The following GPC6 variants were observed in gnomAD, a reference collection of about 807,000 sequenced individuals.
The protein encoded by GPC6 is glypican-6.
A neutral mutation model predicts 55.2 loss-of-function variants in GPC6; 14 were observed. The observed-to-expected ratio is 0.25, with a 90% CI of 0.17 to 0.40. The LOEUF is 0.40. GPC6 is among the 10% of genes least tolerant of loss of function. GPC6 has a pLI of 1.00. For missense variants in GPC6, 641 were observed against 708.5 expected, an observed-to-expected ratio of 0.90 and a Z score of 1.08; for synonymous variants, 278 against 259.6, an observed-to-expected ratio of 1.07 and a Z score of -0.68.
intron 3 of GPC6, among the ~76,000 whole-genome samples, chr13:93,906,474 T>A (rs1876675814): frequency 6.6e-6 from 1 of 152,162 alleles, no homozygotes; most frequent in Admixed American, 6.6e-5. Flanking sequence ...TGTTACCCAA[T>A]GGTCCAAAAT....
intron 5 of GPC6, among the ~76,000 whole-genome samples, chr13:94,304,625 AAT>A (rs1875846075): frequency 6.6e-6 from 1 of 152,234 alleles, no homozygotes; most frequent in African/African-American, 2.4e-5. Flanking sequence ...GTTTCCTGAA[AAT>A]GTTACTGCAT....
intron 4 of GPC6, among the ~76,000 whole-genome samples, chr13:94,050,250 G>C (rs184993010): frequency 6.6e-6 from 1 of 152,204 alleles, no homozygotes; most frequent in East Asian, 1.9e-4. Flanking sequence ...GTAAATATTT[G>C]TTGAATAAAT....
At chr13:94,376,604 C>T (rs1056538982) in intron 6 of GPC6, among the ~76,000 whole-genome samples, 2 of 151,322 alleles carry the variant, frequency 1.3e-5, no homozygotes, top group Admixed American at 1.3e-4. Flanking sequence ...GAATCAATAT[C>T]GTGAAAATGG....
At chr13:93,635,461 A>C (rs1370443022) in intron 2 of GPC6, among the ~76,000 whole-genome samples, 1 of 152,214 alleles carries the variant, frequency 6.6e-6, no homozygotes, top group East Asian at 1.9e-4. Flanking sequence ...TCAGAAGTCT[A>C]TTGCAAATAG....
At position 93,773,456 on chromosome 13, in the gene GPC6, AT is replaced by A. The variant is rs35286272; in HGVS notation, c.320-56688del. Among the ~76,000 whole-genome samples the A allele has an allele frequency of 5.4e-4, 81 of 149,320 alleles. 1 individual carries two copies. Among genetic ancestry groups the A allele is most frequent in the African/African-American group, 1.3e-3 (53 of 40,836 alleles). Reference sequence around the variant, plus strand: ...TCTATTCAGCTTCAGTATGCAGCTGATTTTTTTTTTGATGTAGCTTACGTAC... The same window carrying A: ...TCTATTCAGCTTCAGTATGCAGCTGATTTTTTTTTGATGTAGCTTACGTAC... On this transcript the variant is annotated intron_variant, in intron 2 of 8. Coordinates refer to ENST00000377047, the MANE Select transcript of GPC6 (RefSeq NM_005708.5).
At chr13:93,831,430 G>GTA (rs1378297687) in intron 3 of GPC6, among the ~76,000 whole-genome samples, 3 of 152,098 alleles carry the variant, frequency 2.0e-5, no homozygotes, top group Non-Finnish European at 4.4e-5. Context: ...CAGGAATCTG[G>GTA]TATTATGTCA....
At chr13:93,219,451 T>C in the GPC6 span, among the ~76,000 whole-genome samples, 1 of 152,204 alleles carries the variant, frequency 6.6e-6, no homozygotes, top group African/African-American at 2.4e-5. Context: ...AACTGGGATG[T>C]ATGTGACTAT....
chr13:93,994,430 T>G (rs1282001683), intron 3 of GPC6, among the ~76,000 whole-genome samples: 1 of 152,238 alleles, frequency 6.6e-6, no homozygotes, highest in Non-Finnish European at 1.5e-5. Flanking sequence ...ATTGGTTATT[T>G]GTTCCTATAG....
chr13:93,848,701 T>A (rs1295990097), intron 3 of GPC6, among the ~76,000 whole-genome samples: 1 of 152,130 alleles, frequency 6.6e-6, no homozygotes, highest in African/African-American at 2.4e-5. Flanking sequence ...CAGCCTTGCC[T>A]TTAAGTCTTC....
At chr13:93,930,528 C>T (rs1396259349) in intron 3 of GPC6, among the ~76,000 whole-genome samples, 1 of 152,058 alleles carries the variant, frequency 6.6e-6, no homozygotes, top group African/African-American at 2.4e-5. Context: ...ACCACGGCCT[C>T]CCAATATTCT....
chr13:93,572,005 A>G (rs1388687479), intron 2 of GPC6, among the ~76,000 whole-genome samples: 1 of 152,200 alleles, frequency 6.6e-6, no homozygotes, highest in African/African-American at 2.4e-5. Flanking sequence ...TTGTCATTTT[A>G]GAATTGAGAT....
At chr13:93,946,178 A>T (rs1878999745) in intron 3 of GPC6, among the ~76,000 whole-genome samples, 1 of 152,234 alleles carries the variant, frequency 6.6e-6, no homozygotes, top group Non-Finnish European at 1.5e-5. Context: ...CAATGTGCAA[A>T]AGAATAATAG....
intron 4 of GPC6, among the ~76,000 whole-genome samples, chr13:94,112,966 A>T (rs935251457): frequency 6.6e-6 from 1 of 152,084 alleles, no homozygotes; most frequent in African/African-American, 2.4e-5. Context: ...CCTGTTAATT[A>T]GTTACCCACA....
At chr13:94,055,432 A>G (rs1024093626) in intron 4 of GPC6, among the ~76,000 whole-genome samples, 1 of 152,190 alleles carries the variant, frequency 6.6e-6, no homozygotes, top group Admixed American at 6.5e-5. Flanking sequence ...TACAGAAAGG[A>G]CAACAAATTT....
At chr13:93,223,019 CTT>C (rs3073915), upstream of GPC6, among the ~76,000 whole-genome samples, 280 of 100,772 alleles carry the variant, frequency 2.8e-3, no homozygotes, top group Middle Eastern at 6.5e-3. Flanking sequence ...AGGGAAAACA[CTT>C]TTTTTTTTTT....
intron 6 of GPC6, among the ~76,000 whole-genome samples, chr13:94,344,961 T>C (rs1319766214): frequency 6.6e-6 from 1 of 152,188 alleles, no homozygotes; most frequent in Non-Finnish European, 1.5e-5. Flanking sequence ...TCTCAGAACA[T>C]TCCAAGAAAT....
At chr13:94,297,428 G>A (rs1039840156) in intron 5 of GPC6, among the ~76,000 whole-genome samples, 1 of 152,080 alleles carries the variant, frequency 6.6e-6, no homozygotes, top group Non-Finnish European at 1.5e-5. Context: ...ATGTAGTCAG[G>A]CCAAGAGGAT....
At chr13:93,946,807 T>A (rs1486951293) in intron 3 of GPC6, among the ~76,000 whole-genome samples, 2 of 152,174 alleles carry the variant, frequency 1.3e-5, no homozygotes, top group Non-Finnish European at 2.9e-5. Flanking sequence ...TCCTGTGTAT[T>A]TTCCTTACTT....
intron 4 of GPC6, among the ~76,000 whole-genome samples, chr13:94,115,225 C>A (rs755894884): frequency 1.3e-5 from 2 of 151,968 alleles, no homozygotes; most frequent in African/African-American, 2.4e-5. Context: ...CATTTTAATA[C>A]AGTCATGTGG....
Sources: allele counts gnomAD v4.1 joint callset (sites outside exome capture counted in the v4.1 genomes callset), GRCh38; gene constraint gnomAD v4.1.1; transcripts MANE v1.5; gene names NCBI Gene and HGNC (gene_info 2026-07-23, HGNC 2026-07-21).